Variants in KIF26B observed in about 807,000 individuals in gnomAD.
KIF26B encodes the protein kinesin family member 26B, also known as kinesin-like protein KIF26B.
A neutral mutation model predicts 151.2 loss-of-function variants in KIF26B; 63 were observed. The ratio of observed to expected loss-of-function variants is 0.42; its 90% CI spans 0.34 to 0.51. The LOEUF (loss-of-function observed/expected upper bound fraction) is 0.51. Ranked by LOEUF, KIF26B falls within the 20% of genes least tolerant of loss-of-function variation. The pLI, the probability that KIF26B is intolerant of heterozygous loss-of-function variation, is 0.07. For synonymous variants in KIF26B, 1,357 were observed against 1,262.1 expected (o/e 1.08, Z -1.59); for missense variants, 2,813 against 2,913.6 (o/e 0.97, Z 0.79).
chr1:245,539,842 G>A (rs1376308097), intron 4 of KIF26B, among the ~76,000 whole-genome samples: 3 of 152,036 alleles, frequency 2.0e-5, no homozygotes, highest in Admixed American at 6.6e-5. Context: ...TAGTAGAGAT[G>A]GGGTTTCTCC....
chr1:245,202,670 G>A (rs1006459641), intron 2 of KIF26B, among the ~76,000 whole-genome samples: 1 of 149,410 alleles, frequency 6.7e-6, no homozygotes, highest in Non-Finnish European at 1.5e-5. Context: ...TGAGGCAGGA[G>A]AATGCCGTGA....
chr1:245,466,745 G>T (rs1659799829), intron 4 of KIF26B, among the ~76,000 whole-genome samples: 1 of 152,120 alleles, frequency 6.6e-6, no homozygotes, highest in African/African-American at 2.4e-5. Flanking sequence ...GGCCAACATG[G>T]TGAAACCCTG....
chr1:245,344,729 T>C (rs1672411482), intron 2 of KIF26B, among the ~76,000 whole-genome samples: 1 of 151,880 alleles, frequency 6.6e-6, no homozygotes, highest in Admixed American at 6.6e-5. Flanking sequence ...GACGCACAGA[T>C]AATCTTTACC....
chr1:245,691,088 G>A (rs1001875407), intron 12 of KIF26B, among the ~76,000 whole-genome samples: 1 of 152,186 alleles, frequency 6.6e-6, no homozygotes, highest in Non-Finnish European at 1.5e-5. Flanking sequence ...GTGCTTTCAT[G>A]GACTCAAATT....
At chr1:245,661,124 T>C (rs970093690) in intron 10 of KIF26B, among the ~76,000 whole-genome samples, 3 of 151,820 alleles carry the variant, frequency 2.0e-5, no homozygotes, top group Admixed American at 6.6e-5. Flanking sequence ...GTAGCCGGGA[T>C]TATTTGCGCC....
intron 4 of KIF26B, among the ~76,000 whole-genome samples, chr1:245,448,778 C>A (rs925605752): frequency 2.0e-5 from 3 of 152,168 alleles, no homozygotes; most frequent in African/African-American, 7.2e-5. Flanking sequence ...AGTGATGAAT[C>A]CTCTTGCATA....
At chr1:245,455,159 T>C (rs1659486352) in intron 4 of KIF26B, among the ~76,000 whole-genome samples, 3 of 152,128 alleles carry the variant, frequency 2.0e-5, no homozygotes, top group Admixed American at 6.5e-5. Context: ...CCTTGCTCGA[T>C]TTTAATTGAA....
intron 5 of KIF26B, among the ~76,000 whole-genome samples, chr1:245,591,632 C>T (rs188756355): frequency 3.7e-4 from 56 of 152,350 alleles, no homozygotes; most frequent in Admixed American, 2.5e-3. Flanking sequence ...CGGAGTGGGT[C>T]ATCAGGCATG....
At chr1:245,237,650 C>A (rs1456047641) in intron 2 of KIF26B, among the ~76,000 whole-genome samples, 1 of 152,182 alleles carries the variant, frequency 6.6e-6, no homozygotes, top group Non-Finnish European at 1.5e-5. Flanking sequence ...TCCTTCCATT[C>A]TTTACTGGCA....
rs190390451 is a variant in KIF26B at position 245,156,317 on chromosome 1, G to T, written c.99G>T (p.Ala33=). 2 of 1,547,446 alleles carry T rather than the reference G, an allele frequency of 1.3e-6. No individual in the cohort carries two copies. Among genetic ancestry groups the T allele is most frequent in the East Asian group, 4.9e-5 (2 of 40,550 alleles). ...TCTGCTCGCCCACCAAGCCCGCAGC[G>T]CCCTTCTCCCCGGAAAGCTGGTACC... ...NEVCSPTKPA[A]PFSPESWYRK... The change falls in exon 2 of 15, where the codon GCG becomes GCT. Residue 33 remains alanine (A), a synonymous_variant. Coordinates refer to ENST00000407071, the MANE Select transcript of KIF26B (RefSeq NM_018012.4).
At chr1:245,565,471 G>A (rs948798230) in intron 5 of KIF26B, among the ~76,000 whole-genome samples, 2 of 151,958 alleles carry the variant, frequency 1.3e-5, no homozygotes, top group African/African-American at 4.8e-5. Context: ...CCTATTTTTA[G>A]TAGAGACGGG....
At chr1:245,286,473 C>T (rs1558375660) in intron 2 of KIF26B, among the ~76,000 whole-genome samples, 2 of 151,750 alleles carry the variant, frequency 1.3e-5, no homozygotes, top group South Asian at 2.1e-4. Context: ...ACCTGGGAGG[C>T]GGAGGTTGTA....
At position 245,241,767 on chromosome 1, in the gene KIF26B, G is replaced by T. The variant is rs1176205333; in HGVS notation, c.465+85084G>T. On this transcript the variant is annotated intron_variant, in intron 2 of 14. Coordinates refer to ENST00000407071, the MANE Select transcript of KIF26B (RefSeq NM_018012.4). This position sits in a 1 kb window ranked among gnomAD's most constrained non-coding sequence, Gnocchi z 5.0. ...CTGTGGGCAGTGCTTCACAGCGGCAGCGGGAGCACTGGGTGCAGCCTCTGG... is the reference window on the plus strand; with the variant it reads ...CTGTGGGCAGTGCTTCACAGCGGCATCGGGAGCACTGGGTGCAGCCTCTGG... 6.6e-6 allele frequency among the ~76,000 whole-genome samples: 1 copy of T among 152,206 alleles called. No individual in the cohort carries two copies. The highest frequency in any genetic ancestry group is 1.9e-4 in the East Asian group (1 of 5,198).
chr1:245,438,829 A>G (rs1036209461), intron 4 of KIF26B, among the ~76,000 whole-genome samples: 4 of 152,198 alleles, frequency 2.6e-5, no homozygotes, highest in Non-Finnish European at 5.9e-5. Flanking sequence ...GATTTCCTTC[A>G]GTGCAGGATA....
At chr1:245,489,095 C>T (rs556950301) in intron 4 of KIF26B, among the ~76,000 whole-genome samples, 1 of 152,298 alleles carries the variant, frequency 6.6e-6, no homozygotes, top group Non-Finnish European at 1.5e-5. Flanking sequence ...GATAGTCTGG[C>T]GGCACGTCTG....
Position 245,672,784 on chromosome 1 carries a change from C to G in KIF26B, c.2259-11449C>G, listed in dbSNP as rs551691746. Among the ~76,000 whole-genome samples the G allele has an allele frequency of 1.4e-3, 220 of 152,226 alleles. 1 individual carries two copies. Among genetic ancestry groups the G allele is most frequent in the African/African-American group, 5.1e-3 (210 of 41,538 alleles). ...CCTTTACCTAGTCCTATTTAACCTC[C>G]CTTTCACCTTTCCAAGGAATGTGGA... is the stretch of plus-strand genomic sequence containing the variant. On this transcript the variant is annotated intron_variant, in intron 10 of 14. Transcript: ENST00000407071.
intron 4 of KIF26B, among the ~76,000 whole-genome samples, chr1:245,531,371 G>A (rs1404585460): frequency 6.6e-6 from 1 of 152,198 alleles, no homozygotes; most frequent in Non-Finnish European, 1.5e-5. Flanking sequence ...CTGAGAGTCA[G>A]CAGCCCTGTG....
At chr1:245,253,150 C>G (rs781155549) in intron 2 of KIF26B, among the ~76,000 whole-genome samples, 1 of 151,658 alleles carries the variant, frequency 6.6e-6, no homozygotes, top group Non-Finnish European at 1.5e-5. Flanking sequence ...GCTGGGACTA[C>G]AGGCGCCCAC....
In KIF26B at chr1:245,646,256, A is replaced by G. The variant is rs1045489691; in HGVS notation, c.2234A>G (p.Asn745Ser). The change falls in exon 10 of 15, where the codon AAT becomes AGT. Residue 745 changes from asparagine (N) to serine (S), a missense_variant. Asn to Ser is a conservative substitution (Grantham distance 46, BLOSUM62 1). This residue lies in a region of KIF26B where 2,060 missense variants were observed against 2,088.6 expected (regional missense o/e 0.99). Coordinates refer to ENST00000407071, the MANE Select transcript of KIF26B (RefSeq NM_018012.4). ...ALGNVILALV[N>S]GSKHIPYKES... Reference sequence around the variant, plus strand: ...GGCAATGTCATCCTGGCTCTCGTCAATGGCAGCAAACACATTCCATACAAG... The same window carrying G: ...GGCAATGTCATCCTGGCTCTCGTCAGTGGCAGCAAACACATTCCATACAAG... 3.8e-5 allele frequency: 61 copies of G among 1,613,788 alleles called. No individual in the cohort carries two copies. The highest frequency in any genetic ancestry group is 5.2e-5 in the Non-Finnish European group (61 of 1,179,864).
Sources: gnomAD v4.1 joint callset for allele counts (sites outside exome capture counted in the v4.1 genomes callset) on GRCh38, gnomAD v4.1.1 for gene constraint, gnomAD v4.1.1 regional missense constraint, Gnocchi (gnomAD v3.1) non-coding constraint, MANE v1.5 for transcripts, NCBI Gene and HGNC (gene_info 2026-07-23, HGNC 2026-07-21) for gene names.